EGFLAM: variants seen among roughly 807,000 people sequenced by gnomAD.
The protein encoded by EGFLAM is pikachurin.
In EGFLAM, 79 loss-of-function variants were observed where a neutral mutation model predicts 113.1. That is an observed-to-expected ratio of 0.70 (90% CI 0.58 to 0.84). EGFLAM has a LOEUF of 0.84. EGFLAM is among the 40% of genes least tolerant of loss of function. EGFLAM has a pLI of 0.00. For missense variants in EGFLAM, 1,265 were observed against 1,291.6 expected (o/e 0.98, Z 0.32); for synonymous variants, 504 against 487.6 (o/e 1.03, Z -0.44).
At chr5:38,405,020 C>G (rs1579879494) in intron 6 of EGFLAM, among the ~76,000 whole-genome samples, 1 of 152,248 alleles carries the variant, frequency 6.6e-6, no homozygotes, top group East Asian at 1.9e-4. Context: ...ACCCACCTTT[C>G]AGTTCTGAAA....
At chr5:38,399,837 C>T (rs1029144008) in intron 6 of EGFLAM, 3 of 152,126 alleles carry the variant, frequency 2.0e-5, no homozygotes, top group African/African-American at 7.2e-5. Context: ...AGATGGATTC[C>T]GATAAATGAC....
At chr5:38,259,947 A>T (rs180848070) in intron 1 of EGFLAM, among the ~76,000 whole-genome samples, 32 of 152,344 alleles carry the variant, frequency 2.1e-4, no homozygotes, top group African/African-American at 7.7e-4. Flanking sequence ...ATCTGGAAAT[A>T]TGACTTGTTG....
intron 15 of EGFLAM, among the ~76,000 whole-genome samples, chr5:38,431,879 A>G (rs1319949628): frequency 6.6e-6 from 1 of 152,220 alleles, no homozygotes; most frequent in Non-Finnish European, 1.5e-5. Flanking sequence ...ACAGTACCTG[A>G]TGCCAGGTCA....
chr5:38,310,252 A>G (rs1738393560), intron 1 of EGFLAM, among the ~76,000 whole-genome samples: 1 of 152,168 alleles, frequency 6.6e-6, no homozygotes, highest in Admixed American at 6.5e-5. Context: ...TGCTTTCTTC[A>G]GATTAGGAAA....
At chr5:38,392,071 C>T (rs1740828648) in intron 6 of EGFLAM, among the ~76,000 whole-genome samples, 1 of 152,066 alleles carries the variant, frequency 6.6e-6, no homozygotes, top group Non-Finnish European at 1.5e-5. Flanking sequence ...AAGTCCAGTA[C>T]CCAATAGTTA....
At chr5:38,459,047 T>A (rs571149155) in intron 20 of EGFLAM, among the ~76,000 whole-genome samples, 16 of 152,128 alleles carry the variant, frequency 1.1e-4, no homozygotes, top group African/African-American at 3.9e-4. Flanking sequence ...TTTTGTTTGT[T>A]TTGTTTTGAG....
At chr5:38,303,604 G>T (rs144092003) in intron 1 of EGFLAM, among the ~76,000 whole-genome samples, 1 of 152,188 alleles carries the variant, frequency 6.6e-6, no homozygotes, top group South Asian at 2.1e-4. Context: ...CCCTAAAGTA[G>T]TGAGCAGCCT....
intron 5 of EGFLAM, among the ~76,000 whole-genome samples, chr5:38,363,735 AC>A (rs1007220870): frequency 6.6e-6 from 1 of 152,218 alleles, no homozygotes; most frequent in Non-Finnish European, 1.5e-5. Context: ...GCCTTTAAAA[AC>A]ATCATTCCGA....
intron 6 of EGFLAM, chr5:38,402,005 G>C (rs139584753): frequency 6.6e-6 from 1 of 152,126 alleles, no homozygotes; most frequent in Admixed American, 6.5e-5. Context: ...TTAAAATGTC[G>C]CTTGATTTTG....
chr5:38,271,138 A>G (rs992441027), intron 1 of EGFLAM, among the ~76,000 whole-genome samples: 1 of 143,464 alleles, frequency 7.0e-6, no homozygotes, highest in Non-Finnish European at 1.6e-5. Context: ...TTTGTTTTGG[A>G]CTTTGTACAA....
At chr5:38,330,103 T>C (rs1739002542) in intron 1 of EGFLAM, among the ~76,000 whole-genome samples, 1 of 152,234 alleles carries the variant, frequency 6.6e-6, no homozygotes, top group African/African-American at 2.4e-5. Context: ...GATTGGCTTG[T>C]TCACCTTCTG....
At chr5:38,293,875 G>C (rs1336477642) in intron 1 of EGFLAM, among the ~76,000 whole-genome samples, 1 of 152,156 alleles carries the variant, frequency 6.6e-6, no homozygotes, top group Non-Finnish European at 1.5e-5. Context: ...GATGCACATA[G>C]GAATTAAGAC....
At chr5:38,319,517 C>G (rs1414913547) in intron 1 of EGFLAM, among the ~76,000 whole-genome samples, 3 of 152,162 alleles carry the variant, frequency 2.0e-5, no homozygotes, top group Non-Finnish European at 4.4e-5. Context: ...ACACAAAAGT[C>G]CCTGCCCTCA....
At chr5:38,388,929 A>C (rs571130919) in intron 6 of EGFLAM, among the ~76,000 whole-genome samples, 4 of 138,028 alleles carry the variant, frequency 2.9e-5, no homozygotes, top group South Asian at 2.3e-4. Context: ...AAAAAAAAAA[A>C]AAACAAAAAA....
intron 11 of EGFLAM, among the ~76,000 whole-genome samples, chr5:38,414,031 G>C (rs1327641790): frequency 6.6e-6 from 1 of 152,168 alleles, no homozygotes; most frequent in Admixed American, 6.5e-5. Context: ...CTTCTGCTGC[G>C]CACCCTGCTT....
intron 11 of EGFLAM, 100 bp from the exon 12 acceptor site, chr5:38,417,966 G>C: frequency 8.3e-7 from 1 of 1,208,530 alleles, no homozygotes; most frequent in Non-Finnish European, 1.2e-6. Context: ...TGCTGGGGCT[G>C]TCACTGACGT....
At chr5:38,358,418 G>A (rs1324693318) in intron 5 of EGFLAM, among the ~76,000 whole-genome samples, 6 of 127,186 alleles carry the variant, frequency 4.7e-5, no homozygotes, top group African/African-American at 1.5e-4. Flanking sequence ...CTGCACTCCA[G>A]CCTGGGCGAC....
chr5:38,438,709 T>C (rs1228372168), intron 17 of EGFLAM, among the ~76,000 whole-genome samples: 1 of 152,238 alleles, frequency 6.6e-6, no homozygotes, highest in African/African-American at 2.4e-5. Context: ...GGCTCCTTCC[T>C]TGAGAATCAC....
In EGFLAM at chr5:38,338,680, T is replaced by C; in HGVS notation, c.208-18T>C. The C allele has an allele frequency of 6.2e-7, 1 of 1,613,198 alleles. No homozygotes were observed. Among genetic ancestry groups the C allele is most frequent in the South Asian group, 1.1e-5 (1 of 91,052 alleles). ...AGCACGGGCTCTGCTCTCACCAGGG[T>C]GTCTGCATCTTTTCAAGGTCTTTTA... On this transcript the variant is annotated intron_variant, in intron 2 of 21. Transcript: ENST00000322350.
Sources: allele counts gnomAD v4.1 joint callset (sites outside exome capture counted in the v4.1 genomes callset), GRCh38; gene constraint gnomAD v4.1.1; transcripts MANE v1.5; gene names NCBI Gene and HGNC (gene_info 2026-07-23, HGNC 2026-07-21).